LRRC28: variants seen among roughly 807,000 people sequenced by gnomAD.
LRRC28 encodes leucine rich repeat containing 28.
A neutral mutation model predicts 45.7 loss-of-function variants in LRRC28; 39 were observed. The observed-to-expected ratio is 0.85, with a 90% CI of 0.66 to 1.12. LRRC28 has a LOEUF of 1.12. Among genes scored for constraint, LRRC28 ranks in the 50% most tolerant of loss-of-function variants. The pLI is 0.00. For missense variants in LRRC28, 435 were observed against 438.5 expected, an observed-to-expected ratio of 0.99 and a Z score of 0.07; for synonymous variants, 206 against 178.8, an observed-to-expected ratio of 1.15 and a Z score of -1.22.
chr15:99,313,166 C>G (rs1299763434), intron 5 of LRRC28, among the ~76,000 whole-genome samples: 2 of 151,734 alleles, frequency 1.3e-5, no homozygotes, highest in South Asian at 2.1e-4. Context: ...CACTTTAAGA[C>G]AAGAAATATT....
intron 2 of LRRC28, among the ~76,000 whole-genome samples, chr15:99,256,963 GAA>G (rs1345305987): frequency 1.3e-5 from 2 of 152,086 alleles, no homozygotes; most frequent in Non-Finnish European, 2.9e-5. Flanking sequence ...GATGATTTAT[GAA>G]ATCTTACTAC....
At chr15:99,328,369 C>T (rs1314417752) in intron 5 of LRRC28, among the ~76,000 whole-genome samples, 1 of 152,108 alleles carries the variant, frequency 6.6e-6, no homozygotes, top group African/African-American at 2.4e-5. Context: ...ATGTTGAAAT[C>T]CTGAAAGCCG....
chr15:99,279,474 T>A (rs1271528466), intron 3 of LRRC28, among the ~76,000 whole-genome samples: 1 of 152,232 alleles, frequency 6.6e-6, no homozygotes, highest in Non-Finnish European at 1.5e-5. Context: ...TCAGACGGAA[T>A]AAAGACAGCC....
intron 5 of LRRC28, among the ~76,000 whole-genome samples, chr15:99,290,342 A>C (rs1185970928): frequency 6.6e-6 from 1 of 152,140 alleles, no homozygotes; most frequent in African/African-American, 2.4e-5. Context: ...TCATATAATG[A>C]ATGTCTTATT....
At chr15:99,323,103 T>C (rs1955855374) in intron 5 of LRRC28, among the ~76,000 whole-genome samples, 2 of 152,226 alleles carry the variant, frequency 1.3e-5, no homozygotes, top group African/African-American at 4.8e-5. Flanking sequence ...TTTAAAATAA[T>C]GTACACTCAG....
At chr15:99,277,629 G>C (rs11247071) in intron 3 of LRRC28, among the ~76,000 whole-genome samples, 14,575 of 152,086 alleles carry the variant, frequency 0.096, 988 homozygotes, top group East Asian at 0.32. Flanking sequence ...TGTATTATTT[G>C]CTCTTGATTA....
intron 5 of LRRC28, among the ~76,000 whole-genome samples, chr15:99,325,502 G>T (rs1315359536): frequency 6.6e-6 from 1 of 152,136 alleles, no homozygotes; most frequent in Non-Finnish European, 1.5e-5. Context: ...TCCTTGCCTT[G>T]TAGGCACAAG....
At chr15:99,298,088 A>C (rs1284453688) in intron 5 of LRRC28, among the ~76,000 whole-genome samples, 1 of 152,030 alleles carries the variant, frequency 6.6e-6, no homozygotes, top group Non-Finnish European at 1.5e-5. Context: ...TTGGTTGCTT[A>C]GACTTGGAAA....
At chr15:99,342,191 CTCTTTGGCAATG>C (rs1567679103) in intron 6 of LRRC28, among the ~76,000 whole-genome samples, 1 of 152,202 alleles carries the variant, frequency 6.6e-6, no homozygotes, top group African/African-American at 2.4e-5. Flanking sequence ...CCTCACTTAT[CTCTTTGGCAATG>C]TCTGCTTCAA....
At chr15:99,355,209 C>T (rs1957011709) in intron 7 of LRRC28, among the ~76,000 whole-genome samples, 1 of 152,206 alleles carries the variant, frequency 6.6e-6, no homozygotes. Context: ...ATTAGCAAAT[C>T]AGCACAGTGC....
intron 5 of LRRC28, among the ~76,000 whole-genome samples, chr15:99,316,673 G>C (rs1448658091): frequency 6.7e-6 from 1 of 149,928 alleles, no homozygotes; most frequent in Non-Finnish European, 1.5e-5. Context: ...GAGAATTATT[G>C]TGCAAAGAGA....
At chr15:99,277,237 C>T (rs8042439) in intron 3 of LRRC28, among the ~76,000 whole-genome samples, 60,779 of 151,728 alleles carry the variant, frequency 0.4, 12,535 homozygotes, top group Middle Eastern at 0.6. Flanking sequence ...TTATTTGGCA[C>T]GATTTTCAAG....
At chr15:99,275,758 A>G (rs1478557085) in intron 2 of LRRC28, among the ~76,000 whole-genome samples, 1 of 151,910 alleles carries the variant, frequency 6.6e-6, no homozygotes, top group African/African-American at 2.4e-5. Flanking sequence ...ACATCACTCC[A>G]GTTTCTGGTT....
Position 99,298,563 on chromosome 15 carries a change from A to G in LRRC28, c.385+10612A>G, listed in dbSNP as rs879539390. On this transcript the variant is annotated intron_variant, in intron 5 of 9. Coordinates refer to ENST00000301981, the MANE Select transcript of LRRC28 (RefSeq NM_144598.5). ...TGTTGTGGTTGCATGATAGAAGCCT[A>G]TAATGAGTTCATAACCATTTGTTTA... 3.3e-5 allele frequency among the ~76,000 whole-genome samples: 5 copies of G among 152,348 alleles called. No individual in the cohort carries two copies. The South Asian group carries it at 1.0e-3, about 32-fold the overall frequency.
intron 7 of LRRC28, among the ~76,000 whole-genome samples, chr15:99,356,919 C>T (rs140176667): frequency 6.6e-6 from 1 of 152,336 alleles, no homozygotes; most frequent in African/African-American, 2.4e-5. Context: ...AAAGTCAACT[C>T]AGAATTATAT....
chr15:99,389,218 C>T lies in LRRC28; in HGVS notation c.*3116C>T, dbSNP rs371749526. 3.6e-4 allele frequency: 55 copies of T among 152,270 alleles called. 1 individual carries two copies. Among genetic ancestry groups the T allele is most frequent in the African/African-American group, 1.2e-3 (51 of 41,534 alleles). 9.4% of individuals were successfully genotyped at this position (152,270 alleles called of 1,614,324 possible). On this transcript the variant is annotated 3_prime_UTR_variant, in exon 10 of 10. Coordinates refer to ENST00000301981, the MANE Select transcript of LRRC28 (RefSeq NM_144598.5). ...CTCACTAAGACCTTTCACATTCCAG[C>T]TTGTCCGACTAGTGTAATGTACCTC...
In LRRC28 at chr15:99,387,200, A is replaced by T. The variant is rs1310731067; in HGVS notation, c.*1098A>T. ...CTCAGCCTCCCAAGTAGCTGGGACC[A>T]CAGGCGCCCGCCACCACGCCCGGCT... is the stretch of plus-strand genomic sequence containing the variant. On this transcript the variant is annotated 3_prime_UTR_variant, in exon 10 of 10. Coordinates refer to ENST00000301981, the MANE Select transcript of LRRC28 (RefSeq NM_144598.5). The T allele has an allele frequency of 6.9e-6, 1 of 144,900 alleles. No homozygotes were observed. The highest frequency in any genetic ancestry group is 1.5e-5 in the Non-Finnish European group (1 of 65,910). 9.0% of individuals were successfully genotyped at this position (144,900 alleles called of 1,614,324 possible).
chr15:99,333,623 C>G (rs143984201), intron 5 of LRRC28: 3 of 377,286 alleles, frequency 8.0e-6, no homozygotes, highest in Non-Finnish European at 9.7e-6. Flanking sequence ...CTTGACTCAT[C>G]AAGATGCAGA....
At position 99,387,204 on chromosome 15, in the gene LRRC28, G is replaced by T. The variant is rs536833423; in HGVS notation, c.*1102G>T. 6.9e-6 allele frequency: 1 copy of T among 145,174 alleles called. No individual in the cohort carries two copies. The highest frequency in any genetic ancestry group is 7.0e-5 in the Admixed American group (1 of 14,190). The allele number at this position is 145,174 out of a possible 1,614,324, so 9.0% of individuals were successfully genotyped here. ...GCCTCCCAAGTAGCTGGGACCACAG[G>T]CGCCCGCCACCACGCCCGGCTAATT... On this transcript the variant is annotated 3_prime_UTR_variant, in exon 10 of 10. Transcript: ENST00000301981.
Sources: gnomAD v4.1 joint callset for allele counts (sites outside exome capture counted in the v4.1 genomes callset) on GRCh38, gnomAD v4.1.1 for gene constraint, MANE v1.5 for transcripts, NCBI Gene and HGNC (gene_info 2026-07-23, HGNC 2026-07-21) for gene names.